The following RFTN1 variants were observed in gnomAD, a reference collection of about 807,000 sequenced individuals.
RFTN1 encodes the protein raftlin.
Under a neutral mutation model 46.5 loss-of-function variants are expected in RFTN1, and 26 were observed. The observed-to-expected ratio is 0.56, with a 90% CI of 0.41 to 0.78. The LOEUF is 0.78. Among genes scored for constraint, RFTN1 ranks in the 30% least tolerant of loss-of-function variants. RFTN1 has a pLI of 0.00. For missense variants in RFTN1, 693 were observed against 718.7 expected, an observed-to-expected ratio of 0.96 and a Z score of 0.41; for synonymous variants, 261 against 284.2, an observed-to-expected ratio of 0.92 and a Z score of 0.82.
chr3:16,388,528 C>T (rs184711221), intron 4 of RFTN1, among the ~76,000 whole-genome samples: 2 of 152,320 alleles, frequency 1.3e-5, no homozygotes, highest in African/African-American at 4.8e-5. Context: ...CTACTCCTAT[C>T]ATCTTAACAG....
At position 16,402,902 on chromosome 3, in the gene RFTN1, A is replaced by T. The variant is rs1410146105; in HGVS notation, c.441+6473T>A. ...CAAGATGAACCTAGTTCTTAAGGAG[A>T]TCAGGGAGGTCAGGAGCTCCATCAC... On this transcript the variant is annotated intron_variant, in intron 4 of 9. Coordinates refer to ENST00000334133, the MANE Select transcript of RFTN1 (RefSeq NM_015150.2). The surrounding 1 kb of genome is among the most constrained non-coding windows in gnomAD (Gnocchi z 4.5). Among the ~76,000 whole-genome samples, 1 of 152,106 alleles carries T rather than the reference A, an allele frequency of 6.6e-6. No homozygotes were observed. Among genetic ancestry groups the T allele is most frequent in the Non-Finnish European group, 1.5e-5 (1 of 68,026 alleles).
intron 7 of RFTN1, among the ~76,000 whole-genome samples, chr3:16,333,551 CCT>C (rs2070535100): frequency 6.6e-6 from 1 of 152,146 alleles, no homozygotes. Context: ...GTCCAATCCC[CCT>C]CATTTAATAA....
rs190646244 is a variant in RFTN1 at position 16,465,677 on chromosome 3, C to T, written c.145+28048G>A. ...TAAAAATTTCAGAATTATAAGATCA[C>T]CAAAATTATCACACCCACCAAAAAG... On this transcript the variant is annotated intron_variant, in intron 2 of 9. Transcript: ENST00000334133. The surrounding 1 kb of genome is among the most constrained non-coding windows in gnomAD (Gnocchi z 5.1). 5.9e-5 allele frequency among the ~76,000 whole-genome samples: 9 copies of T among 152,172 alleles called. No individual in the cohort carries two copies. Among genetic ancestry groups the T allele is most frequent in the African/African-American group, 2.2e-4 (9 of 41,514 alleles).
chr3:16,377,542 G>C (rs1452279564), intron 5 of RFTN1, among the ~76,000 whole-genome samples, 176 bp downstream of exon 5: 3 of 152,338 alleles, frequency 2.0e-5, no homozygotes, highest in Non-Finnish European at 4.4e-5. Flanking sequence ...CATAACTTCA[G>C]TAAGTAAACA....
rs2125513664 is a variant in RFTN1 at position 16,442,101 on chromosome 3, T to C, written c.146-8064A>G. Reference sequence around the variant, plus strand: ...AATTTAGACTTCTGTCATCTTCTCATTAAACAAACTCATGTATCTGAAACT... The same window carrying C: ...AATTTAGACTTCTGTCATCTTCTCACTAAACAAACTCATGTATCTGAAACT... On this transcript the variant is annotated intron_variant, in intron 2 of 9. Coordinates refer to ENST00000334133, the MANE Select transcript of RFTN1 (RefSeq NM_015150.2). The surrounding 1 kb of genome is among the most constrained non-coding windows in gnomAD (Gnocchi z 4.1). 1.3e-5 allele frequency among the ~76,000 whole-genome samples: 2 copies of C among 152,250 alleles called. No individual in the cohort carries two copies. The highest frequency in any genetic ancestry group is 4.1e-4 in the South Asian group (2 of 4,822).
chr3:16,377,065 G>A (rs963153760), intron 5 of RFTN1, among the ~76,000 whole-genome samples: 26 of 152,012 alleles, frequency 1.7e-4, no homozygotes, highest in African/African-American at 6.0e-4. Flanking sequence ...CTGGAGAAAG[G>A]GGGAAATATG....
At chr3:16,496,244 CATG>C (rs2076624713) in intron 1 of RFTN1, among the ~76,000 whole-genome samples, 1 of 152,254 alleles carries the variant, frequency 6.6e-6, no homozygotes, top group Admixed American at 6.5e-5. Context: ...AGCTGCCAAA[CATG>C]ATGCCACAGA....
Position 16,387,653 on chromosome 3 carries a change from CT to C in RFTN1, c.442-9552del, listed in dbSNP as rs1228559658. 3.4e-5 allele frequency among the ~76,000 whole-genome samples: 5 copies of C among 146,240 alleles called. No homozygotes were observed. Among genetic ancestry groups the C allele is most frequent in the African/African-American group, 7.6e-5 (3 of 39,226 alleles). On this transcript the variant is annotated intron_variant, in intron 4 of 9. Transcript: ENST00000334133. The surrounding 1 kb of genome is among the most constrained non-coding windows in gnomAD (Gnocchi z 5.2). ...CAGCATACAACTAAATTCAAGTTAT[CT>C]TTTTTTAAAAGAAGAAAAAGAGGAA...
chr3:16,489,197 C>G lies in RFTN1; in HGVS notation c.145+4528G>C, dbSNP rs553969492. On this transcript the variant is annotated intron_variant, in intron 2 of 9. Coordinates refer to ENST00000334133, the MANE Select transcript of RFTN1 (RefSeq NM_015150.2). The surrounding 1 kb of genome is among the most constrained non-coding windows in gnomAD (Gnocchi z 4.0). ...CTTTGGGAAGCTGAGGCAGGCAGAT[C>G]ACCTGAGATCAGGAGTTCGAGACCA... Among the ~76,000 whole-genome samples the G allele has an allele frequency of 7.8e-4, 119 of 152,274 alleles. No homozygotes were observed. The highest frequency in any genetic ancestry group is 2.5e-3 in the African/African-American group (105 of 41,544).
At chr3:16,497,658 G>C (rs1351569068) in intron 1 of RFTN1, among the ~76,000 whole-genome samples, 1 of 152,172 alleles carries the variant, frequency 6.6e-6, no homozygotes, top group Non-Finnish European at 1.5e-5. Context: ...GAAGGAGCTT[G>C]TTCCTCAAAA....
chr3:16,488,712 T>C (rs1260998237), intron 2 of RFTN1, among the ~76,000 whole-genome samples: 5 of 152,232 alleles, frequency 3.3e-5, no homozygotes, highest in Admixed American at 3.3e-4. Context: ...TAGAATTCTA[T>C]ATTCGAATTC....
rs1464138357 is a variant in RFTN1 at position 16,443,627 on chromosome 3, C to T, written c.146-9590G>A. Among the ~76,000 whole-genome samples the T allele has an allele frequency of 3.3e-5, 5 of 152,076 alleles. No homozygotes were observed. The highest frequency in any genetic ancestry group is 7.2e-5 in the African/African-American group (3 of 41,396). Reference sequence around the variant, plus strand: ...TCATCAAATGAATTAAGTTGCCGGCCGCCGGACCACAAATGACTGTTAAAG... The same window carrying T: ...TCATCAAATGAATTAAGTTGCCGGCTGCCGGACCACAAATGACTGTTAAAG... On this transcript the variant is annotated intron_variant, in intron 2 of 9. Coordinates refer to ENST00000334133, the MANE Select transcript of RFTN1 (RefSeq NM_015150.2). The surrounding 1 kb of genome is among the most constrained non-coding windows in gnomAD (Gnocchi z 5.5).
intron 7 of RFTN1, among the ~76,000 whole-genome samples, chr3:16,331,271 T>G (rs771067150): frequency 1.3e-5 from 2 of 152,260 alleles, no homozygotes; most frequent in Non-Finnish European, 2.9e-5. Context: ...AGGGTGTGCT[T>G]ATACTACTCT....
In RFTN1 at chr3:16,382,319, G is replaced by A. The variant is rs1559310576; in HGVS notation, c.442-4217C>T. Among the ~76,000 whole-genome samples, 1 of 152,186 alleles carries A rather than the reference G, an allele frequency of 6.6e-6. No homozygotes were observed. Among genetic ancestry groups the A allele is most frequent in the African/African-American group, 2.4e-5 (1 of 41,444 alleles). On this transcript the variant is annotated intron_variant, in intron 4 of 9. Transcript: ENST00000334133. The surrounding 1 kb of genome is among the most constrained non-coding windows in gnomAD (Gnocchi z 4.7). Reference sequence around the variant, plus strand: ...AGATCTAGGGGCCACGACTCTTACAGTTCTGTCTTACCCTAGTATAGACAC... The same window carrying A: ...AGATCTAGGGGCCACGACTCTTACAATTCTGTCTTACCCTAGTATAGACAC...
intron 4 of RFTN1, among the ~76,000 whole-genome samples, chr3:16,398,214 TC>T (rs2074516719): frequency 7.5e-6 from 1 of 133,780 alleles, no homozygotes; most frequent in African/African-American, 2.7e-5. Flanking sequence ...ACCACTGCAC[TC>T]CAGCCTGGGT....
At position 16,459,350 on chromosome 3, in the gene RFTN1, C is replaced by T. The variant is rs1357957301; in HGVS notation, c.146-25313G>A. On this transcript the variant is annotated intron_variant, in intron 2 of 9. Coordinates refer to ENST00000334133, the MANE Select transcript of RFTN1 (RefSeq NM_015150.2). This position sits in a 1 kb window ranked among gnomAD's most constrained non-coding sequence, Gnocchi z 4.2. ...AAGAGTTATGTGCCCTAGTAGAAAA[C>T]TATTTTTCATTTTCTCATATCTCAA... is the stretch of plus-strand genomic sequence containing the variant. Among the ~76,000 whole-genome samples, 1 of 152,166 alleles carries T rather than the reference C, an allele frequency of 6.6e-6. No individual in the cohort carries two copies. The highest frequency in any genetic ancestry group is 1.5e-5 in the Non-Finnish European group (1 of 68,026).
At chr3:16,394,614 TA>T (rs1401920178) in intron 4 of RFTN1, among the ~76,000 whole-genome samples, 1 of 152,202 alleles carries the variant, frequency 6.6e-6, no homozygotes, top group African/African-American at 2.4e-5. Flanking sequence ...CCTGCTCTAT[TA>T]ATATTTCTTG....
At position 16,451,277 on chromosome 3, in the gene RFTN1, C is replaced by T. The variant is rs2075819126; in HGVS notation, c.146-17240G>A. Among the ~76,000 whole-genome samples the T allele has an allele frequency of 6.6e-6, 1 of 152,202 alleles. No homozygotes were observed. Among genetic ancestry groups the T allele is most frequent in the South Asian group, 2.1e-4 (1 of 4,824 alleles). On this transcript the variant is annotated intron_variant, in intron 2 of 9. Coordinates refer to ENST00000334133, the MANE Select transcript of RFTN1 (RefSeq NM_015150.2). The surrounding 1 kb of genome is among the most constrained non-coding windows in gnomAD (Gnocchi z 4.2). ...AAGACGGAACAGCAGAACGTCTCAT[C>T]AGTGACCTCCTCTTACCCACCACGT... is the stretch of plus-strand genomic sequence containing the variant.
At chr3:16,391,323 C>T (rs921040297) in intron 4 of RFTN1, among the ~76,000 whole-genome samples, 4 of 152,196 alleles carry the variant, frequency 2.6e-5, no homozygotes, top group African/African-American at 9.7e-5. Flanking sequence ...ATACTTGACT[C>T]TTTTGTCCAA....
Sources: allele counts gnomAD v4.1 joint callset (sites outside exome capture counted in the v4.1 genomes callset), GRCh38; gene constraint gnomAD v4.1.1; non-coding constraint Gnocchi (gnomAD v3.1); transcripts MANE v1.5; gene names NCBI Gene and HGNC (gene_info 2026-07-23, HGNC 2026-07-21).